ROBO1: variants seen among roughly 807,000 people sequenced by gnomAD.
ROBO1 encodes the protein roundabout homolog 1.
ROBO1 carries 149 observed loss-of-function variants against 195.9 expected under a neutral mutation model. That is an observed-to-expected ratio of 0.76 (90% CI 0.67 to 0.87). The LOEUF (loss-of-function observed/expected upper bound fraction) is 0.87. Among genes scored for constraint, ROBO1 ranks in the 40% least tolerant of loss-of-function variants. The pLI, the probability that ROBO1 is intolerant of heterozygous loss-of-function variation, is 0.00. For synonymous variants in ROBO1, 816 were observed against 733.2 expected (o/e 1.11, Z -1.82); for missense variants, 1,933 against 2,068.3 (o/e 0.93, Z 1.27).
At chr3:78,673,331 A>C (rs1284820477) in intron 10 of ROBO1, among the ~76,000 whole-genome samples, 2 of 150,772 alleles carry the variant, frequency 1.3e-5, no homozygotes, top group Non-Finnish European at 3.0e-5. Flanking sequence ...GTCAGTATAA[A>C]AATAATAGTG....
At chr3:78,978,086 C>G (rs1488018329) in intron 3 of ROBO1, among the ~76,000 whole-genome samples, 1 of 152,062 alleles carries the variant, frequency 6.6e-6, no homozygotes, top group Non-Finnish European at 1.5e-5. Flanking sequence ...ACAGAAGAGT[C>G]TCAGTCTAGT....
At chr3:79,601,243 T>C in intron 1 of ROBO1, among the ~76,000 whole-genome samples, 1 of 152,084 alleles carries the variant, frequency 6.6e-6, no homozygotes, top group Middle Eastern at 3.4e-3. Context: ...GAAAGAATCT[T>C]TATGTCTGAA....
intron 2 of ROBO1, among the ~76,000 whole-genome samples, chr3:79,510,292 A>C (rs1293691969): frequency 6.6e-6 from 1 of 152,132 alleles, no homozygotes; most frequent in East Asian, 1.9e-4. Flanking sequence ...TGGTATTATG[A>C]GGGGCTTTGC....
chr3:79,604,329 T>C (rs2107882907), intron 1 of ROBO1, among the ~76,000 whole-genome samples: 1 of 152,206 alleles, frequency 6.6e-6, no homozygotes, highest in Admixed American at 6.6e-5. Context: ...AGGTAATTAT[T>C]ATGTGCTTCC....
chr3:79,429,365 G>A (rs1460992960), intron 2 of ROBO1, among the ~76,000 whole-genome samples: 2 of 152,034 alleles, frequency 1.3e-5, no homozygotes, highest in African/African-American at 2.4e-5. Context: ...CCAGGAAAAC[G>A]TGGAAGTAAA....
intron 2 of ROBO1, among the ~76,000 whole-genome samples, chr3:79,411,147 TA>T: frequency 6.6e-6 from 1 of 152,266 alleles, no homozygotes; most frequent in Non-Finnish European, 1.5e-5. Context: ...TTCTAAGCTT[TA>T]CACACGCACG....
chr3:78,959,567 T>C (rs907249114), intron 3 of ROBO1, among the ~76,000 whole-genome samples: 2 of 152,112 alleles, frequency 1.3e-5, no homozygotes, highest in African/African-American at 2.4e-5. Flanking sequence ...CAGACCCCTA[T>C]AGATTGTAGA....
intron 2 of ROBO1, among the ~76,000 whole-genome samples, chr3:79,348,840 G>A (rs905704689): frequency 2.6e-5 from 4 of 152,174 alleles, no homozygotes; most frequent in African/African-American, 7.2e-5. Context: ...CAGAACATAG[G>A]AGGCTTAGAA....
chr3:78,751,853 C>T (rs78889732), intron 4 of ROBO1, among the ~76,000 whole-genome samples: 5,377 of 152,048 alleles, frequency 0.035, 307 homozygotes, highest in African/African-American at 0.12. Flanking sequence ...TATTAAGAAG[C>T]ATTTTAATTA....
intron 4 of ROBO1, among the ~76,000 whole-genome samples, chr3:78,857,846 G>C (rs767250331): frequency 3.1e-4 from 47 of 152,146 alleles, no homozygotes; most frequent in Non-Finnish European, 5.7e-4. Context: ...CTTTGGTTAA[G>C]GGCGACCCTT....
chr3:78,855,159 C>T (rs1396567133), intron 4 of ROBO1, among the ~76,000 whole-genome samples: 1 of 152,026 alleles, frequency 6.6e-6, no homozygotes, highest in Non-Finnish European at 1.5e-5. Context: ...AGCCTGAAGC[C>T]ACTAAACACT....
intron 5 of ROBO1, among the ~76,000 whole-genome samples, chr3:78,732,742 A>G (rs2082311502): frequency 1.3e-5 from 2 of 152,112 alleles, no homozygotes; most frequent in African/African-American, 4.8e-5. Context: ...ATTGTACTCT[A>G]TCCACTCAAA....
Position 78,722,466 on chromosome 3 carries a change from T to A in ROBO1, c.658-4583A>T, listed in dbSNP as rs570233711. 2.6e-5 allele frequency among the ~76,000 whole-genome samples: 4 copies of A among 152,234 alleles called. No individual in the cohort carries two copies. The South Asian group carries it at 8.3e-4, about 32-fold the overall frequency. On this transcript the variant is annotated intron_variant, in intron 5 of 30. Transcript: ENST00000464233. ...TGTTCATACATGTAAAACTTTCATA[T>A]CAATGCAGCAATATAAAACAAATCA...
At chr3:78,832,585 C>T (rs994414512) in intron 4 of ROBO1, among the ~76,000 whole-genome samples, 24 of 152,144 alleles carry the variant, frequency 1.6e-4, no homozygotes, top group Non-Finnish European at 3.2e-4. Context: ...TTTGTGCTAA[C>T]AGCCAGAGAC....
At chr3:79,446,339 A>G (rs926442081) in intron 2 of ROBO1, among the ~76,000 whole-genome samples, 7 of 152,168 alleles carry the variant, frequency 4.6e-5, no homozygotes, top group African/African-American at 7.2e-5. Flanking sequence ...ATAATTGCAA[A>G]TCATCTTTCC....
chr3:78,932,734 T>C (rs2039597538), intron 4 of ROBO1, among the ~76,000 whole-genome samples: 1 of 152,088 alleles, frequency 6.6e-6, no homozygotes, highest in Admixed American at 6.5e-5. Flanking sequence ...CTGTACATAA[T>C]GTGCAGGAAA....
chr3:78,912,108 A>G (rs1015947411), intron 4 of ROBO1, among the ~76,000 whole-genome samples: 6 of 152,106 alleles, frequency 3.9e-5, no homozygotes, highest in African/African-American at 1.4e-4. Context: ...AAGAAAAAAT[A>G]CTTTATAGAT....
intron 2 of ROBO1, among the ~76,000 whole-genome samples, chr3:79,138,665 C>G (rs1312514888): frequency 6.6e-6 from 1 of 151,422 alleles, no homozygotes; most frequent in Non-Finnish European, 1.5e-5. Context: ...GGATGATTAA[C>G]AAACTGGATA....
chr3:79,609,850 A>G (rs1487312853), intron 1 of ROBO1, among the ~76,000 whole-genome samples: 1 of 151,906 alleles, frequency 6.6e-6, no homozygotes, highest in African/African-American at 2.4e-5. Context: ...TGAGGGAAGA[A>G]GAAAATGAGG....
Sources: gnomAD v4.1 joint callset for allele counts (sites outside exome capture counted in the v4.1 genomes callset) on GRCh38, gnomAD v4.1.1 for gene constraint, MANE v1.5 for transcripts, NCBI Gene and HGNC (gene_info 2026-07-23, HGNC 2026-07-21) for gene names.